SDK1: variants seen among roughly 807,000 people sequenced by gnomAD.
SDK1 encodes the protein sidekick cell adhesion molecule 1.
A neutral mutation model predicts 245.5 loss-of-function variants in SDK1; 157 were observed. That is an observed-to-expected ratio of 0.64 (90% confidence interval 0.56 to 0.73). The LOEUF (loss-of-function observed/expected upper bound fraction) is 0.73. Ranked by LOEUF, SDK1 falls within the 30% of genes least tolerant of loss-of-function variation. The pLI is 0.00. For missense variants in SDK1, 3,583 were observed against 3,002.3 expected (o/e 1.19, Z -4.52); for synonymous variants, 1,647 against 1,278.5 (o/e 1.29, Z -6.15).
rs543483937 is a variant in SDK1 at position 4,005,353 on chromosome 7, G to T, written c.2132-5613G>T. The stretch of plus-strand genomic sequence containing the variant: ...TCTTTATTGCCTGGAGACTGGATTT[G>T]AGCTGCCTTCCGTTTCCGGGTAGTT... On this transcript the variant is annotated intron_variant, in intron 14 of 44. Coordinates refer to ENST00000404826, the MANE Select transcript of SDK1 (RefSeq NM_152744.4). 2.0e-5 allele frequency among the ~76,000 whole-genome samples: 3 copies of T among 151,304 alleles called. No homozygotes were observed. In the East Asian group the frequency reaches 5.9e-4, roughly 30 times the overall value.
intron 37 of SDK1, 70 bp downstream of exon 37, chr7:4,208,355 C>A: frequency 7.0e-7 from 1 of 1,436,268 alleles, no homozygotes; most frequent in Non-Finnish European, 9.6e-7. Context: ...CAGCTCAGGT[C>A]CCCTCACACA....
intron 1 of SDK1, 100 bp downstream of exon 1, chr7:3,301,984 C>T (rs1319100633): frequency 6.7e-6 from 6 of 898,706 alleles, no homozygotes; most frequent in South Asian, 1.0e-4. Flanking sequence ...CGCTTCCCGG[C>T]CCGGGTCGGG....
At chr7:4,258,113 T>G (rs1007689067) in intron 44 of SDK1, among the ~76,000 whole-genome samples, 2 of 152,188 alleles carry the variant, frequency 1.3e-5, no homozygotes, top group Non-Finnish European at 2.9e-5. Flanking sequence ...TTTTAGATCT[T>G]TGGCTGAGGA....
chr7:3,321,256 A>T lies in SDK1; in HGVS notation c.298+19372A>T, dbSNP rs1015975242. Among the ~76,000 whole-genome samples, 3 of 152,330 alleles carry T rather than the reference A, an allele frequency of 2.0e-5. No individual in the cohort carries two copies. In the South Asian group the frequency reaches 6.2e-4, roughly 32 times the overall value. On this transcript the variant is annotated intron_variant, in intron 1 of 44. Coordinates refer to ENST00000404826, the MANE Select transcript of SDK1 (RefSeq NM_152744.4). ...TAGAAACGTCAAAATCAAAGTGAAA[A>T]CAAGTTGGAAAATCCTCTTTGATTT...
In SDK1 at chr7:4,267,625, A is replaced by G. The variant is rs552289474; in HGVS notation, c.*2241A>G. On this transcript the variant is annotated 3_prime_UTR_variant, in exon 45 of 45. Coordinates refer to ENST00000404826, the MANE Select transcript of SDK1 (RefSeq NM_152744.4). ...ACTCTGATGACTGCTCTCTGCAGCCATGAGGATGTGGCTTTACATGCCAGG... is the reference window on the plus strand; with the variant it reads ...ACTCTGATGACTGCTCTCTGCAGCCGTGAGGATGTGGCTTTACATGCCAGG... 1.0e-6 allele frequency: 1 copy of G among 985,472 alleles called. No individual in the cohort carries two copies. The highest frequency in any genetic ancestry group is 1.1e-4 in the East Asian group (1 of 8,812). The allele number at this position is 985,472 out of a possible 1,614,324, so 61.0% of individuals were successfully genotyped here. A position where few individuals can be genotyped will look rare whatever the true frequency, so the allele number is the denominator to read the frequency against.
At chr7:3,880,593 ACAAAATCCTTTCAGCT>A (rs1161862268) in intron 5 of SDK1, among the ~76,000 whole-genome samples, 1 of 149,134 alleles carries the variant, frequency 6.7e-6, no homozygotes, top group Non-Finnish European at 1.5e-5. Context: ...CAGGTGAAAA[ACAAAATCCTTTCAGCT>A]CAAACGCACC....
At chr7:3,377,360 C>G (rs150585543) in intron 1 of SDK1, among the ~76,000 whole-genome samples, 2 of 152,140 alleles carry the variant, frequency 1.3e-5, no homozygotes, top group Non-Finnish European at 2.9e-5. Flanking sequence ...CAGGTTTTCT[C>G]TGTAGTTGTG....
At chr7:3,843,029 G>T (rs2115091009) in intron 5 of SDK1, among the ~76,000 whole-genome samples, 1 of 152,232 alleles carries the variant, frequency 6.6e-6, no homozygotes, top group East Asian at 1.9e-4. Flanking sequence ...CAGTCCGTCT[G>T]GACTTAGGAA....
At chr7:4,067,982 C>T in intron 20 of SDK1, 46 bp downstream of exon 20, 1 of 1,425,366 alleles carries the variant, frequency 7.0e-7, no homozygotes. Flanking sequence ...AGTTTGTCCT[C>T]ACAAAAAGAA....
chr7:3,351,005 A>C (rs1228029951), intron 1 of SDK1, among the ~76,000 whole-genome samples: 1 of 152,160 alleles, frequency 6.6e-6, no homozygotes, highest in Non-Finnish European at 1.5e-5. Flanking sequence ...ATCTGATACT[A>C]CATACATAAA....
intron 1 of SDK1, among the ~76,000 whole-genome samples, chr7:3,482,901 A>C (rs966592948): frequency 6.6e-6 from 1 of 152,242 alleles, no homozygotes. Context: ...ACACGTAATA[A>C]GTGCTAAGTA....
At chr7:3,778,430 G>A (rs1313775410) in intron 4 of SDK1, among the ~76,000 whole-genome samples, 1 of 151,760 alleles carries the variant, frequency 6.6e-6, no homozygotes, top group Non-Finnish European at 1.5e-5. Context: ...CCCATTGCAC[G>A]GTTTCTTAAC....
At position 3,962,568 on chromosome 7, in the gene SDK1, A is replaced by T. The variant is rs768587690; in HGVS notation, c.1235-89A>T. On this transcript the variant is annotated intron_variant, in intron 8 of 44. Transcript: ENST00000404826. ...TACACAAGAAAATGCCTATTAAAAT[A>T]TTGGCATTCTAGCCTTTGAAACAGA... 3.5e-6 allele frequency: 4 copies of T among 1,136,712 alleles called. No homozygotes were observed. In the African/African-American group the frequency reaches 4.7e-5, roughly 13 times the overall value. 70.4% of individuals were successfully genotyped at this position (1,136,712 alleles called of 1,614,324 possible).
At chr7:3,319,578 C>A (rs1238845988) in intron 1 of SDK1, among the ~76,000 whole-genome samples, 1 of 152,092 alleles carries the variant, frequency 6.6e-6, no homozygotes, top group Non-Finnish European at 1.5e-5. Flanking sequence ...CATATATGTA[C>A]TCTTTGATAA....
In SDK1 at chr7:3,774,071, C is replaced by T. The variant is rs549085161; in HGVS notation, c.714-47379C>T. 1.8e-4 allele frequency among the ~76,000 whole-genome samples: 28 copies of T among 152,110 alleles called. No homozygotes were observed. In the South Asian group the frequency reaches 2.5e-3, roughly 14 times the overall value. On this transcript the variant is annotated intron_variant, in intron 4 of 44. Coordinates refer to ENST00000404826, the MANE Select transcript of SDK1 (RefSeq NM_152744.4). ...CTACTAAAAATACAAAAAAATTAGC[C>T]AGGCATGGTGGCGGGTGCCTGTAGT... is the stretch of plus-strand genomic sequence containing the variant.
chr7:3,897,241 G>A (rs954899357), intron 5 of SDK1, among the ~76,000 whole-genome samples: 9 of 152,112 alleles, frequency 5.9e-5, no homozygotes, highest in Non-Finnish European at 7.3e-5. Flanking sequence ...TAAGTCTCCC[G>A]TTCAGTAAGA....
chr7:3,479,561 A>G (rs568452734), intron 1 of SDK1, among the ~76,000 whole-genome samples: 20 of 152,102 alleles, frequency 1.3e-4, no homozygotes, highest in African/African-American at 4.6e-4. Context: ...TTAGTGAGAT[A>G]TGTTAAAATT....
At chr7:3,590,035 G>C (rs539198874) in intron 1 of SDK1, among the ~76,000 whole-genome samples, 1 of 152,240 alleles carries the variant, frequency 6.6e-6, no homozygotes, top group African/African-American at 2.4e-5. Flanking sequence ...GAGTTACAGT[G>C]ATTGGAAAAT....
intron 44 of SDK1, among the ~76,000 whole-genome samples, chr7:4,251,484 C>A (rs1241021103): frequency 6.6e-6 from 1 of 152,192 alleles, no homozygotes; most frequent in Non-Finnish European, 1.5e-5. Flanking sequence ...CACGGCTTTA[C>A]CATAGCCTTG....
Sources: gnomAD v4.1 joint callset for allele counts (sites outside exome capture counted in the v4.1 genomes callset) on GRCh38, gnomAD v4.1.1 for gene constraint, MANE v1.5 for transcripts, NCBI Gene and HGNC (gene_info 2026-07-23, HGNC 2026-07-21) for gene names.